The following KIAA1671 variants were observed in gnomAD, a reference collection of about 807,000 sequenced individuals.
KIAA1671 encodes KIAA1671.
A neutral mutation model predicts 131.2 loss-of-function variants in KIAA1671; 52 were observed. The observed-to-expected ratio is 0.40, with a 90% CI of 0.32 to 0.50. KIAA1671 has a LOEUF of 0.50. Ranked by LOEUF, KIAA1671 falls within the 20% of genes least tolerant of loss-of-function variation. KIAA1671 has a pLI of 0.73. For missense variants in KIAA1671, 2,360 were observed against 2,364.2 expected (o/e 1.00, Z 0.04); for synonymous variants, 1,003 against 961.6 (o/e 1.04, Z -0.80).
intron 1 of KIAA1671, among the ~76,000 whole-genome samples, chr22:24,971,499 A>G (rs1422764493): frequency 2.0e-5 from 3 of 152,148 alleles, no homozygotes; most frequent in Non-Finnish European, 2.9e-5. Context: ...TGACACCTCA[A>G]TGCCATGCCA....
At chr22:25,062,373 T>G (rs1928203430) in intron 6 of KIAA1671, 1 of 152,366 alleles carries the variant, frequency 6.6e-6, no homozygotes, top group Non-Finnish European at 1.5e-5. Context: ...TGTACCAAGT[T>G]GCCCAGGGAT....
At chr22:25,183,463 T>TCC (rs1934363011) in intron 10 of KIAA1671, among the ~76,000 whole-genome samples, 2 of 82,046 alleles carry the variant, frequency 2.4e-5, no homozygotes, top group African/African-American at 9.7e-5. Flanking sequence ...CCTCCCTCCC[T>TCC]CTCTTCCTTC....
At chr22:25,008,626 T>C (rs1924873565) in intron 1 of KIAA1671, among the ~76,000 whole-genome samples, 1 of 152,234 alleles carries the variant, frequency 6.6e-6, no homozygotes, top group African/African-American at 2.4e-5. Context: ...GTTGTCCTCA[T>C]CCATGAAATG....
chr22:25,054,885 CT>C (rs1927756627), intron 6 of KIAA1671: 2 of 149,496 alleles, frequency 1.3e-5, no homozygotes, highest in African/African-American at 4.9e-5. Context: ...TGGTTTGCCC[CT>C]GATCGAGGGA....
rs1047507564 is a variant in KIAA1671 at position 25,039,039 on chromosome 22, C to G, written c.1909C>G (p.Pro637Ala). The G allele has an allele frequency of 2.6e-6, 4 of 1,551,628 alleles. No individual in the cohort carries two copies. The highest frequency in any genetic ancestry group is 2.7e-5 in the African/African-American group (2 of 73,064). The change falls in exon 5 of 13, where the codon CCT becomes GCT. Residue 637 changes from proline to alanine, a missense_variant. Coordinates refer to ENST00000358431, the MANE Select transcript of KIAA1671 (RefSeq NM_001145206.2). ...QSGRCLSTTPPGDMAHARVSE... is the reference protein window; with the variant it reads ...QSGRCLSTTPAGDMAHARVSE... The stretch of plus-strand genomic sequence containing the variant: ...GGGACGTTGTCTCTCCACCACACCC[C>G]CTGGTGACATGGCCCATGCCCGTGT...
Position 25,040,685 on chromosome 22 carries a change from G to A in KIAA1671, c.3555G>A (p.Thr1185=), listed in dbSNP as rs1175826144. ...GGAAGACTGATGTGATCAGTGACAC[G>A]TTCCCAGGTAAAATCAGAGATGGCT... ...VRRKTDVISD[T]FPGKIRDGYR... is the part of the protein sequence containing the mutation. The change falls in exon 5 of 13, where the codon ACG becomes ACA. Residue 1185 remains threonine, a synonymous_variant. Transcript: ENST00000358431. The A allele has an allele frequency of 2.6e-5, 41 of 1,552,026 alleles. No homozygotes were observed. Among genetic ancestry groups the A allele is most frequent in the Non-Finnish European group, 3.2e-5 (37 of 1,147,096 alleles).
In KIAA1671 at chr22:25,170,879, C is replaced by A; in HGVS notation, c.4590C>A (p.Leu1530=). The change falls in exon 7 of 13, where the codon CTC becomes CTA. Residue 1530 remains leucine (L), a synonymous_variant. Coordinates refer to ENST00000358431, the MANE Select transcript of KIAA1671 (RefSeq NM_001145206.2). ...QPTEPKDTDT[L]VHEAGSQYGT... is the part of the protein sequence containing the mutation. ...CTGAACCCAAGGACACTGACACCCT[C>A]GTGCACGAAGCCGGCAGCCAGTATG... 1 of 1,551,684 alleles carries A rather than the reference C, an allele frequency of 6.4e-7. No homozygotes were observed. Among genetic ancestry groups the A allele is most frequent in the South Asian group, 1.2e-5 (1 of 84,058 alleles).
At chr22:25,107,469 C>CTT (rs765558092) in intron 6 of KIAA1671, among the ~76,000 whole-genome samples, 24,633 of 68,374 alleles carry the variant, frequency 0.36, 6,694 homozygotes, top group South Asian at 0.45. Context: ...ATCCATGGCA[C>CTT]TTTTTTTTTT....
intron 6 of KIAA1671, among the ~76,000 whole-genome samples, chr22:25,085,603 C>T (rs1033111421): frequency 2.0e-5 from 3 of 151,402 alleles, no homozygotes; most frequent in Non-Finnish European, 4.4e-5. Context: ...GGTGGGTCCT[C>T]ATGGCCCTGA....
At chr22:24,965,157 T>C (rs1210088873) in intron 1 of KIAA1671, among the ~76,000 whole-genome samples, 2 of 149,244 alleles carry the variant, frequency 1.3e-5, no homozygotes, top group Admixed American at 6.7e-5. Context: ...ACACCTGTAA[T>C]GTGTGTGAGC....
At chr22:25,107,686 C>A (rs1458786590) in intron 6 of KIAA1671, among the ~76,000 whole-genome samples, 1 of 151,714 alleles carries the variant, frequency 6.6e-6, no homozygotes, top group Admixed American at 6.6e-5. Flanking sequence ...CAGCACCCAG[C>A]ACTCCATTTT....
chr22:25,044,113 A>T (rs905557580), intron 5 of KIAA1671, among the ~76,000 whole-genome samples: 4 of 152,162 alleles, frequency 2.6e-5, no homozygotes, highest in Non-Finnish European at 4.4e-5. Context: ...AAGCTCTCCA[A>T]CCACCATGTG....
Position 25,033,578 on chromosome 22 carries a change from T to TTG in KIAA1671, c.1629+883_1629+884insGT, listed in dbSNP as rs1352583697. On this transcript the variant is annotated intron_variant, in intron 4 of 12. Transcript: ENST00000358431. Reference sequence around the variant, plus strand: ...TTTTTTGGTTGGTTTGTTTTCGTTTTTTTTTTTTTTTTTTTTTTTTGATGG... The same window carrying TTG: ...TTTTTTGGTTGGTTTGTTTTCGTTTTTGTTTTTTTTTTTTTTTTTTTTGATGG... 1.6e-4 allele frequency among the ~76,000 whole-genome samples: 19 copies of TTG among 116,038 alleles called. 1 individual carries two copies. Among genetic ancestry groups the TTG allele is most frequent in the Admixed American group, 4.1e-4 (5 of 12,060 alleles). The allele number at this position is 116,038 out of a possible 152,430, so 76.1% of individuals were successfully genotyped here.
At chr22:24,982,358 G>A (rs919771316) in intron 1 of KIAA1671, among the ~76,000 whole-genome samples, 15 of 152,218 alleles carry the variant, frequency 9.9e-5, no homozygotes, top group African/African-American at 3.6e-4. Flanking sequence ...GCTAAAAAGC[G>A]TGATTAGCAA....
chr22:25,012,140 A>G (rs1278504915), intron 1 of KIAA1671: 7 of 152,158 alleles, frequency 4.6e-5, no homozygotes, highest in Non-Finnish European at 8.8e-5. Flanking sequence ...GTTGACGCCA[A>G]TATCATGTTC....
Position 25,028,395 on chromosome 22 carries a change from C to A in KIAA1671, c.396C>A (p.Asn132Lys), listed in dbSNP as rs953798357. 1.4e-4 allele frequency: 221 copies of A among 1,551,010 alleles called. 1 individual carries two copies. The highest frequency in any genetic ancestry group is 1.0e-3 in the Middle Eastern group (6 of 5,992). The change falls in exon 3 of 13, where the codon AAC becomes AAA. Residue 132 changes from asparagine (N) to lysine (K), a missense_variant. Asn to Lys is a moderately conservative substitution (Grantham distance 94). This residue lies in a region of KIAA1671 where 1,185 missense variants were observed against 1,126.2 expected (regional missense o/e 1.05). Coordinates refer to ENST00000358431, the MANE Select transcript of KIAA1671 (RefSeq NM_001145206.2). ...EGPRTSSPLF[N>K]KAVFLRPSSS... is the part of the protein sequence containing the mutation. ...CGAGGACGAGCTCGCCCCTCTTCAACAAGGCTGTGTTCCTGCGGCCCAGCT... is the reference window on the plus strand; with the variant it reads ...CGAGGACGAGCTCGCCCCTCTTCAAAAAGGCTGTGTTCCTGCGGCCCAGCT...
chr22:25,171,866 G>T (rs1167541464), intron 7 of KIAA1671, among the ~76,000 whole-genome samples: 1 of 152,152 alleles, frequency 6.6e-6, no homozygotes, highest in Non-Finnish European at 1.5e-5. Context: ...TGGGGTGATG[G>T]AAATTTCTAG....
intron 9 of KIAA1671, among the ~76,000 whole-genome samples, chr22:25,179,721 C>T (rs2146031530): frequency 6.6e-6 from 1 of 152,336 alleles, no homozygotes; most frequent in Admixed American, 6.5e-5. Context: ...TTACAAGAGA[C>T]AGAGACATAG....
chr22:25,044,017 T>C (rs1927088095), intron 5 of KIAA1671, among the ~76,000 whole-genome samples: 2 of 117,008 alleles, frequency 1.7e-5, no homozygotes, highest in Admixed American at 1.5e-4. Context: ...CAGTCAGTAA[T>C]GATCATGCGG....
Sources: allele counts gnomAD v4.1 joint callset (sites outside exome capture counted in the v4.1 genomes callset), GRCh38; gene constraint gnomAD v4.1.1; regional missense constraint gnomAD v4.1.1; transcripts MANE v1.5; gene names NCBI Gene and HGNC (gene_info 2026-07-23, HGNC 2026-07-21).